SV2C: variants seen among roughly 807,000 people sequenced by gnomAD.
The protein encoded by SV2C is synaptic vesicle glycoprotein 2C.
SV2C carries 49 observed loss-of-function variants against 79.7 expected under a neutral mutation model. The observed-to-expected ratio is 0.61, with a 90% CI of 0.49 to 0.78. The LOEUF is 0.78. Ranked by LOEUF, SV2C falls within the 30% of genes least tolerant of loss-of-function variation. The probability of loss-of-function intolerance (pLI) is 0.00; values close to 1 mark genes in which losing one functional copy is unlikely to be tolerated. For missense variants in SV2C, 833 were observed against 912.9 expected, an observed-to-expected ratio of 0.91 and a Z score of 1.13; for synonymous variants, 334 against 333.2, an observed-to-expected ratio of 1.00 and a Z score of -0.03.
chr5:76,050,427 G>C, the SV2C span, among the ~76,000 whole-genome samples: 1 of 152,134 alleles, frequency 6.6e-6, no homozygotes, highest in Non-Finnish European at 1.5e-5. Flanking sequence ...TTCATTGTCA[G>C]AGCCTTGGAG....
At chr5:76,093,984 A>G (rs1432531321) in intron 1 of SV2C, among the ~76,000 whole-genome samples, 2 of 152,142 alleles carry the variant, frequency 1.3e-5, no homozygotes, top group Admixed American at 1.3e-4. Flanking sequence ...GCAGTAGCAC[A>G]CACCTGTAGT....
the SV2C span, among the ~76,000 whole-genome samples, chr5:75,943,490 G>A: frequency 6.6e-5 from 10 of 151,892 alleles, no homozygotes; most frequent in Non-Finnish European, 1.3e-4. Flanking sequence ...TTTTCTTCTA[G>A]CTCTAGTATT....
the SV2C span, among the ~76,000 whole-genome samples, chr5:75,992,702 A>T: frequency 2.6e-5 from 4 of 151,982 alleles, no homozygotes; most frequent in Non-Finnish European, 2.9e-5. Context: ...CATTTCACAA[A>T]AATGGGTCAT....
chr5:76,061,268 T>TAAAAAAAAAAAAAAA, the SV2C span, among the ~76,000 whole-genome samples: 2 of 51,610 alleles, frequency 3.9e-5, no homozygotes, highest in African/African-American at 8.8e-5. Flanking sequence ...CTTCAATTTG[T>TAAAAAAAAAAAAAAA]AAAAAAAAAA....
intron 2 of SV2C, among the ~76,000 whole-genome samples, chr5:76,143,548 C>T (rs1257253443): frequency 6.6e-6 from 1 of 152,128 alleles, no homozygotes; most frequent in East Asian, 1.9e-4. Flanking sequence ...AAAACATGTG[C>T]CTTACCACAC....
intron 2 of SV2C, among the ~76,000 whole-genome samples, chr5:76,193,131 CA>C: frequency 6.6e-6 from 1 of 152,224 alleles, no homozygotes; most frequent in South Asian, 2.1e-4. Context: ...GCCATCCTGA[CA>C]GAGTAGGAAA....
the SV2C span, among the ~76,000 whole-genome samples, chr5:75,983,588 G>C: frequency 7.6e-6 from 1 of 131,142 alleles, no homozygotes; most frequent in Non-Finnish European, 1.7e-5. Flanking sequence ...GCAAAATTAT[G>C]GGCCAGCTTT....
At chr5:76,049,583 C>T in the SV2C span, among the ~76,000 whole-genome samples, 5 of 152,184 alleles carry the variant, frequency 3.3e-5, no homozygotes, top group East Asian at 3.9e-4. Context: ...GAAGTAGGTG[C>T]CCCCAATTCT....
intron 2 of SV2C, among the ~76,000 whole-genome samples, chr5:76,190,188 A>C (rs1744051916): frequency 6.6e-6 from 1 of 152,208 alleles, no homozygotes; most frequent in South Asian, 2.1e-4. Flanking sequence ...ATTATTTGTA[A>C]TGCTTGTTAA....
chr5:76,320,106 G>A (rs893739849), intron 12 of SV2C, among the ~76,000 whole-genome samples: 6 of 150,648 alleles, frequency 4.0e-5, no homozygotes, highest in African/African-American at 1.5e-4. Flanking sequence ...GAGCCCAGGA[G>A]TTCAACACTA....
the SV2C span, among the ~76,000 whole-genome samples, chr5:75,940,687 A>G: frequency 6.6e-6 from 1 of 152,184 alleles, no homozygotes; most frequent in South Asian, 2.1e-4. Flanking sequence ...AATCGATGAA[A>G]GAGAATTAGG....
At chr5:76,053,133 A>G in the SV2C span, among the ~76,000 whole-genome samples, 1 of 151,694 alleles carries the variant, frequency 6.6e-6, no homozygotes, top group African/African-American at 2.4e-5. Flanking sequence ...AAAGAGTAGA[A>G]TACTCAAGAA....
At chr5:75,973,619 A>G in the SV2C span, among the ~76,000 whole-genome samples, 1 of 152,126 alleles carries the variant, frequency 6.6e-6, no homozygotes, top group Non-Finnish European at 1.5e-5. Flanking sequence ...TGAATGAGTG[A>G]CATAATAATT....
At chr5:76,033,341 G>A in the SV2C span, among the ~76,000 whole-genome samples, 2 of 152,114 alleles carry the variant, frequency 1.3e-5, no homozygotes, top group African/African-American at 4.8e-5. Context: ...GTCCTGAATG[G>A]TATTGCCTAG....
Position 76,309,626 on chromosome 5 carries a change from CAGAAAGAA to C in SV2C, c.2000+8091_2000+8098del, listed in dbSNP as rs148144933. On this transcript the variant is annotated intron_variant, in intron 12 of 12. Coordinates refer to ENST00000502798, the MANE Select transcript of SV2C (RefSeq NM_014979.4). ...AAAAAAAAAAAAAAAAAAAAAAAAA[CAGAAAGAA>C]AGAAAGAAAAATGTAGGTTGGAAAG... 2.9e-3 allele frequency among the ~76,000 whole-genome samples: 277 copies of C among 96,706 alleles called. 2 individuals are homozygous for C. Among genetic ancestry groups the C allele is most frequent in the African/African-American group, 0.011 (262 of 23,840 alleles). 63.4% of individuals were successfully genotyped at this position (96,706 alleles called of 152,430 possible).
intron 4 of SV2C, among the ~76,000 whole-genome samples, chr5:76,263,410 C>G (rs1172066249): frequency 7.2e-5 from 11 of 152,044 alleles, no homozygotes; most frequent in Non-Finnish European, 1.6e-4. Context: ...GGTCTTGACT[C>G]TTTATCCAAT....
chr5:76,092,681 G>A (rs1191818424), intron 1 of SV2C, among the ~76,000 whole-genome samples: 7 of 152,120 alleles, frequency 4.6e-5, no homozygotes, highest in African/African-American at 7.2e-5. Context: ...CTACTCGACT[G>A]TGTATTTGAC....
At chr5:75,904,989 C>A in the SV2C span, among the ~76,000 whole-genome samples, 9,358 of 152,214 alleles carry the variant, frequency 0.061, 333 homozygotes, top group Admixed American at 0.084. Context: ...TGGAGATAAT[C>A]CAACACTTCA....
chr5:76,194,725 C>G (rs1744217281), intron 2 of SV2C, among the ~76,000 whole-genome samples, 194 bp from the exon 3 acceptor site: 1 of 152,208 alleles, frequency 6.6e-6, no homozygotes. Flanking sequence ...GTCGTGAGAC[C>G]TTGCCAAGTG....
Sources: allele counts gnomAD v4.1 joint callset (sites outside exome capture counted in the v4.1 genomes callset), GRCh38; gene constraint gnomAD v4.1.1; transcripts MANE v1.5; gene names NCBI Gene and HGNC (gene_info 2026-07-23, HGNC 2026-07-21).